The following SLC24A2 variants were observed in gnomAD, a reference collection of about 807,000 sequenced individuals.
SLC24A2 encodes sodium/potassium/calcium exchanger 2.
A neutral mutation model predicts 62.0 loss-of-function variants in SLC24A2; 36 were observed. The ratio of observed to expected loss-of-function variants is 0.58; its 90% CI spans 0.44 to 0.77. SLC24A2 has a LOEUF of 0.77. Among genes scored for constraint, SLC24A2 ranks in the 30% least tolerant of loss-of-function variants. The pLI is 0.00. For synonymous variants in SLC24A2, 358 were observed against 294.0 expected (o/e 1.22, Z -2.23); for missense variants, 846 against 817.9 (o/e 1.03, Z -0.42).
the SLC24A2 span, among the ~76,000 whole-genome samples, chr9:20,216,802 T>C: frequency 6.6e-6 from 1 of 152,202 alleles, no homozygotes; most frequent in South Asian, 2.1e-4. Flanking sequence ...GGGAAAAGTA[T>C]ACAAATATTT....
the SLC24A2 span, among the ~76,000 whole-genome samples, chr9:20,240,325 T>C: frequency 6.6e-6 from 1 of 152,144 alleles, no homozygotes; most frequent in Non-Finnish European, 1.5e-5. Context: ...CTCAGGACCA[T>C]GAGGATACAC....
At chr9:19,911,364 G>A in the SLC24A2 span, among the ~76,000 whole-genome samples, 1 of 152,076 alleles carries the variant, frequency 6.6e-6, no homozygotes. Context: ...AGTGAATAGT[G>A]CCGCAATAAA....
chr9:20,228,751 T>C, the SLC24A2 span, among the ~76,000 whole-genome samples: 2 of 152,162 alleles, frequency 1.3e-5, no homozygotes, highest in Admixed American at 6.6e-5. Flanking sequence ...TGTGCCTTCC[T>C]AATCCATGTG....
At chr9:20,134,547 G>T in the SLC24A2 span, among the ~76,000 whole-genome samples, 3 of 152,118 alleles carry the variant, frequency 2.0e-5, no homozygotes, top group African/African-American at 7.2e-5. Context: ...GTACAATTTT[G>T]CATAGTTTTA....
At chr9:19,664,496 A>G (rs952267742) in intron 2 of SLC24A2, among the ~76,000 whole-genome samples, 2 of 152,230 alleles carry the variant, frequency 1.3e-5, no homozygotes, top group Admixed American at 1.3e-4. Context: ...GAGAAATCCA[A>G]GGTTTGAAAG....
chr9:19,636,286 C>CTTCTCTTCTCTTCTT (rs1564009444), intron 2 of SLC24A2, among the ~76,000 whole-genome samples: 1 of 88,086 alleles, frequency 1.1e-5, no homozygotes, highest in African/African-American at 4.9e-5. Flanking sequence ...CTCTTCTTCT[C>CTTCTCTTCTCTTCTT]TTCTTTTCTT....
At chr9:20,221,595 G>A in the SLC24A2 span, among the ~76,000 whole-genome samples, 5 of 151,916 alleles carry the variant, frequency 3.3e-5, no homozygotes, top group African/African-American at 1.2e-4. Context: ...TTGAAAAAAT[G>A]TAAGTTCTCA....
chr9:19,757,529 T>G (rs1822179654), intron 2 of SLC24A2, among the ~76,000 whole-genome samples: 1 of 152,104 alleles, frequency 6.6e-6, no homozygotes, highest in South Asian at 2.1e-4. Flanking sequence ...AAAGCAGAAA[T>G]AGTCCAATGA....
intron 2 of SLC24A2, among the ~76,000 whole-genome samples, chr9:19,711,816 G>A (rs377576780): frequency 4.6e-5 from 7 of 151,058 alleles, no homozygotes; most frequent in African/African-American, 9.7e-5. Flanking sequence ...AAATAGAAGC[G>A]ATAATGTGGG....
intron 2 of SLC24A2, among the ~76,000 whole-genome samples, chr9:19,731,538 TGTGTGC>T (rs1170450035): frequency 1.2e-4 from 15 of 125,696 alleles, no homozygotes; most frequent in East Asian, 9.4e-4. Context: ...TGTGTGTGTG[TGTGTGC>T]ATGTGTGCAC....
the SLC24A2 span, among the ~76,000 whole-genome samples, chr9:20,232,576 G>A: frequency 2.0e-5 from 3 of 152,188 alleles, no homozygotes; most frequent in Admixed American, 6.5e-5. Context: ...GGGATCGGTA[G>A]TGATATCCCC....
chr9:19,876,940 C>A, the SLC24A2 span, among the ~76,000 whole-genome samples: 4 of 152,022 alleles, frequency 2.6e-5, no homozygotes, highest in African/African-American at 9.7e-5. Flanking sequence ...CTATTTTCTT[C>A]ATTAGGAGAA....
chr9:19,549,193 C>T (rs1834724058), intron 8 of SLC24A2, among the ~76,000 whole-genome samples: 1 of 152,184 alleles, frequency 6.6e-6, no homozygotes, highest in African/African-American at 2.4e-5. Flanking sequence ...TAATGATAGT[C>T]ACAAGAATGT....
the SLC24A2 span, among the ~76,000 whole-genome samples, chr9:20,259,615 C>G: frequency 6.6e-6 from 1 of 151,986 alleles, no homozygotes; most frequent in African/African-American, 2.4e-5. Flanking sequence ...ACTTAATGAT[C>G]TCAAGTCTCT....
chr9:19,807,863 G>A, the SLC24A2 span, among the ~76,000 whole-genome samples: 1 of 152,074 alleles, frequency 6.6e-6, no homozygotes, highest in African/African-American at 2.4e-5. Context: ...CACCCCACTC[G>A]TTTTTTGTTT....
At chr9:20,034,658 C>CG in the SLC24A2 span, among the ~76,000 whole-genome samples, 1 of 151,844 alleles carries the variant, frequency 6.6e-6, no homozygotes, top group Admixed American at 6.6e-5. Context: ...TTAGTAGAGA[C>CG]GGGGTTTCAC....
At chr9:20,160,561 G>T in the SLC24A2 span, among the ~76,000 whole-genome samples, 2 of 151,256 alleles carry the variant, frequency 1.3e-5, no homozygotes, top group African/African-American at 4.8e-5. Flanking sequence ...GTTTTATATT[G>T]TACAAATATG....
the SLC24A2 span, among the ~76,000 whole-genome samples, chr9:20,024,710 G>A: frequency 4.6e-5 from 7 of 152,276 alleles, no homozygotes; most frequent in Admixed American, 1.3e-4. Flanking sequence ...CTTTAAAGAA[G>A]ATCAGGTCAC....
the SLC24A2 span, among the ~76,000 whole-genome samples, chr9:20,164,286 G>GA: frequency 1.2e-3 from 183 of 151,278 alleles, 3 homozygotes; most frequent in African/African-American, 4.3e-3. Context: ...AAATTTACAA[G>GA]AAAAAAACAA....
Sources: allele counts gnomAD v4.1 joint callset (sites outside exome capture counted in the v4.1 genomes callset), GRCh38; gene constraint gnomAD v4.1.1; transcripts MANE v1.5; gene names NCBI Gene and HGNC (gene_info 2026-07-23, HGNC 2026-07-21).